AOX1: variants seen among roughly 807,000 people sequenced by gnomAD.
AOX1 encodes the protein aldehyde oxidase.
AOX1 carries 153 observed loss-of-function variants against 169.5 expected under a neutral mutation model. The observed-to-expected ratio is 0.90, with a 90% CI of 0.79 to 1.03. AOX1 has a LOEUF of 1.03. Ranked by LOEUF, AOX1 falls within the 50% of genes least tolerant of loss-of-function variation. The probability of loss-of-function intolerance (pLI) is 0.00; values close to 1 mark genes in which losing one functional copy is unlikely to be tolerated. For synonymous variants in AOX1, 562 were observed against 581.9 expected (o/e 0.97, Z 0.49); for missense variants, 1,656 against 1,663.9 (o/e 1.00, Z 0.08).
intron 27 of AOX1, 67 bp downstream of exon 27, chr2:200,657,004 A>T: frequency 2.8e-6 from 3 of 1,081,530 alleles, no homozygotes; most frequent in Non-Finnish European, 2.6e-6. Flanking sequence ...GAGAAAAACT[A>T]TGAATGGATA....
Position 200,668,563 on chromosome 2 carries a change from T to C in AOX1, c.3610-52T>C, listed in dbSNP as rs958715736. On this transcript the variant is annotated intron_variant, in intron 32 of 34. Transcript: ENST00000374700. The stretch of plus-strand genomic sequence containing the variant: ...AGCATGAAGTTGAAATGCTACTTAG[T>C]GTTGACTGTGTTTTCTCATACGTGG... The C allele has an allele frequency of 8.1e-6, 12 of 1,482,750 alleles. No individual in the cohort carries two copies. In the Admixed American group the frequency reaches 1.8e-4, roughly 22 times the overall value. 91.8% of individuals were successfully genotyped at this position (1,482,750 alleles called of 1,614,324 possible). A position where few individuals can be genotyped will look rare whatever the true frequency, so the allele number is the denominator to read the frequency against.
At chr2:200,680,139 A>G (rs562325585), downstream of AOX1, among the ~76,000 whole-genome samples, 9 of 152,330 alleles carry the variant, frequency 5.9e-5, no homozygotes, top group East Asian at 1.7e-3. Flanking sequence ...CGCGTATTCT[A>G]TGTTTGGTCT....
chr2:200,622,214 A>G (rs912967742), intron 18 of AOX1, among the ~76,000 whole-genome samples: 1 of 152,206 alleles, frequency 6.6e-6, no homozygotes, highest in Non-Finnish European at 1.5e-5. Flanking sequence ...TTGATGTCTT[A>G]TATATTTCTT....
chr2:200,595,593 G>T (rs2463489), intron 3 of AOX1, among the ~76,000 whole-genome samples: 32,484 of 151,860 alleles, frequency 0.21, 3,727 homozygotes, highest in East Asian at 0.44. Context: ...CCCCATCAAA[G>T]CCAGGTACAG....
chr2:200,634,879 T>C lies in AOX1; in HGVS notation c.2310T>C (p.Asp770=), dbSNP rs2035200045. The C allele has an allele frequency of 6.2e-7, 1 of 1,614,108 alleles. No homozygotes were observed. Among genetic ancestry groups the C allele is most frequent in the South Asian group, 1.1e-5 (1 of 91,080 alleles). ...CCAAGGGAGAGGATCAAGAAATGGA[T>C]GTCTACGTGTCCACACAGTTTCCCA... ...VVPKGEDQEM[D]VYVSTQFPKY... Residue 770 remains aspartate, a synonymous_variant, in exon 21 of 35, where the codon GAT becomes GAC. Transcript: ENST00000374700.
At chr2:200,631,513 T>C (rs913312661) in intron 20 of AOX1, among the ~76,000 whole-genome samples, 1 of 152,178 alleles carries the variant, frequency 6.6e-6, no homozygotes, top group African/African-American at 2.4e-5. Context: ...AAGGGCCTCT[T>C]ATTAAAATGT....
chr2:200,602,237 C>T (rs910609008), intron 5 of AOX1, 47 bp from the exon 6 acceptor site: 19 of 1,541,774 alleles, frequency 1.2e-5, no homozygotes, highest in Non-Finnish European at 1.7e-5. Flanking sequence ...TAGACTGTGC[C>T]TCTATCTGGG....
chr2:200,587,861 G>A (rs972100453), intron 1 of AOX1, among the ~76,000 whole-genome samples: 5 of 152,126 alleles, frequency 3.3e-5, no homozygotes, highest in Non-Finnish European at 7.4e-5. Context: ...CAGTTTCTCT[G>A]TTAAAAGGGG....
At chr2:200,656,627 C>A (rs940102974) in intron 26 of AOX1, among the ~76,000 whole-genome samples, 1 of 152,100 alleles carries the variant, frequency 6.6e-6, no homozygotes, top group Non-Finnish European at 1.5e-5. Flanking sequence ...CAATTATTCA[C>A]CCTCTCCCTC....
At chr2:200,612,893 T>TGTTC (rs1345034110) in intron 14 of AOX1, 100 bp downstream of exon 14, 1 of 903,470 alleles carries the variant, frequency 1.1e-6, no homozygotes, top group African/African-American at 1.7e-5. Context: ...AGAAGAAAAG[T>TGTTC]GTTCCATACC....
At chr2:200,650,277 T>C (rs986972528) in intron 25 of AOX1, among the ~76,000 whole-genome samples, 2 of 152,200 alleles carry the variant, frequency 1.3e-5, no homozygotes, top group African/African-American at 4.8e-5. Context: ...GGCTTACTAA[T>C]TTCCAGTGTT....
chr2:200,663,572 A>ACACACTCTCT (rs1286010281), intron 31 of AOX1, among the ~76,000 whole-genome samples: 2 of 105,058 alleles, frequency 1.9e-5, no homozygotes, highest in African/African-American at 3.8e-5. Flanking sequence ...ACACACACAC[A>ACACACTCTCT]CTCTCTCTCT....
chr2:200,665,849 A>G (rs964253236), intron 31 of AOX1, among the ~76,000 whole-genome samples: 1 of 152,250 alleles, frequency 6.6e-6, no homozygotes, highest in African/African-American at 2.4e-5. Flanking sequence ...GACTGATGTC[A>G]AAGAGGACTT....
intron 32 of AOX1, among the ~76,000 whole-genome samples, chr2:200,668,144 T>A (rs2035957322): frequency 6.6e-6 from 1 of 151,678 alleles, no homozygotes; most frequent in African/African-American, 2.4e-5. Context: ...TTGCTCTTGT[T>A]GCCCGGGCTG....
chr2:200,595,584 C>T lies in AOX1; in HGVS notation c.200+216C>T, dbSNP rs536005966. ...AGGATAACATACGGTCAAAGAATTC[C>T]CCATCAAAGCCAGGTACAGTGGCAC... is the stretch of plus-strand genomic sequence containing the variant. On this transcript the variant is annotated intron_variant, in intron 3 of 34. Transcript: ENST00000374700. Among the ~76,000 whole-genome samples, 6 of 152,102 alleles carry T rather than the reference C, an allele frequency of 3.9e-5. No individual in the cohort carries two copies. In the East Asian group the frequency reaches 5.8e-4, roughly 15 times the overall value.
At chr2:200,624,088 C>T (rs1037183774) in intron 19 of AOX1, 105 bp downstream of exon 19, 4 of 1,400,864 alleles carry the variant, frequency 2.9e-6, no homozygotes, top group Non-Finnish European at 4.0e-6. Flanking sequence ...AAGTGGCCTC[C>T]AAAGCACACG....
intron 16 of AOX1, among the ~76,000 whole-genome samples, chr2:200,616,403 C>T (rs2034759452): frequency 6.6e-6 from 1 of 152,246 alleles, no homozygotes; most frequent in Admixed American, 6.5e-5. Flanking sequence ...AATAAAGCCA[C>T]GCTCTGCGGC....
intron 25 of AOX1, among the ~76,000 whole-genome samples, chr2:200,648,890 C>G (rs1423890606): frequency 1.4e-4 from 21 of 151,964 alleles, no homozygotes; most frequent in Admixed American, 1.4e-3. Flanking sequence ...AGTCACAGGC[C>G]TCACCCAGCT....
chr2:200,642,845 G>A (rs1169022080), intron 25 of AOX1, 44 bp downstream of exon 25: 1 of 1,578,338 alleles, frequency 6.3e-7, no homozygotes. Flanking sequence ...TGGAATGTCA[G>A]AGACGGTAGG....
Sources: gnomAD v4.1 joint callset for allele counts (sites outside exome capture counted in the v4.1 genomes callset) on GRCh38, gnomAD v4.1.1 for gene constraint, MANE v1.5 for transcripts, NCBI Gene and HGNC (gene_info 2026-07-23, HGNC 2026-07-21) for gene names.